The following THSD7B variants were observed in gnomAD, a reference collection of about 807,000 sequenced individuals.
THSD7B encodes the protein thrombospondin type 1 domain containing 7B.
In THSD7B, 138 loss-of-function variants were observed where a neutral mutation model predicts 213.6. The ratio of observed to expected loss-of-function variants is 0.65; its 90% CI spans 0.56 to 0.74. The LOEUF (loss-of-function observed/expected upper bound fraction) is 0.74, where lower values mean the gene tolerates loss of function less well. Among genes scored for constraint, THSD7B ranks in the 30% least tolerant of loss-of-function variants. The pLI, the probability that THSD7B is intolerant of heterozygous loss-of-function variation, is 0.00. For synonymous variants in THSD7B, 742 were observed against 687.0 expected, an observed-to-expected ratio of 1.08 and a Z score of -1.25; for missense variants, 1,931 against 1,991.5, an observed-to-expected ratio of 0.97 and a Z score of 0.58.
chr2:137,362,726 A>T (rs897897284), intron 12 of THSD7B, among the ~76,000 whole-genome samples: 1 of 152,218 alleles, frequency 6.6e-6, no homozygotes, highest in Non-Finnish European at 1.5e-5. Context: ...GAGCACCCAG[A>T]TTCATAAAGC....
chr2:137,281,067 G>C (rs982899409), intron 12 of THSD7B, among the ~76,000 whole-genome samples: 26 of 152,046 alleles, frequency 1.7e-4, no homozygotes, highest in Non-Finnish European at 3.1e-4. Context: ...GAAATCACTT[G>C]TCTACGATAT....
chr2:137,634,548 G>A (rs997243572), intron 20 of THSD7B, among the ~76,000 whole-genome samples: 1 of 151,796 alleles, frequency 6.6e-6, no homozygotes, highest in Admixed American at 6.6e-5. Flanking sequence ...TATATACTTT[G>A]CCTGGGCCAT....
At chr2:136,807,655 C>T (rs947183552) in intron 1 of THSD7B, among the ~76,000 whole-genome samples, 8 of 151,848 alleles carry the variant, frequency 5.3e-5, no homozygotes, top group South Asian at 2.1e-4. Context: ...TACAGGCGCC[C>T]GCCACCAGGC....
intron 12 of THSD7B, among the ~76,000 whole-genome samples, chr2:137,402,542 C>T (rs1250958538): frequency 4.0e-5 from 6 of 151,818 alleles, no homozygotes; most frequent in Admixed American, 2.6e-4. Context: ...ACATCAAGCA[C>T]AGAGTGGCTC....
chr2:137,611,095 T>G (rs1226648712), intron 17 of THSD7B, among the ~76,000 whole-genome samples: 3 of 151,100 alleles, frequency 2.0e-5, no homozygotes, highest in African/African-American at 7.3e-5. Flanking sequence ...ATGAAAACAG[T>G]TTTGCAATAA....
At chr2:137,160,082 G>T in intron 5 of THSD7B, 131 bp from the exon 6 acceptor site, 1 of 1,060,184 alleles carries the variant, frequency 9.4e-7, no homozygotes. Context: ...AGAAAGTGTT[G>T]ATGTTTTCTT....
At chr2:137,378,917 T>C (rs1685718041) in intron 12 of THSD7B, among the ~76,000 whole-genome samples, 2 of 152,236 alleles carry the variant, frequency 1.3e-5, no homozygotes, top group South Asian at 4.1e-4. Context: ...TTAGCTATTC[T>C]TTATATCTAA....
intron 1 of THSD7B, among the ~76,000 whole-genome samples, chr2:136,772,509 A>G (rs2104899332): frequency 6.6e-6 from 1 of 152,298 alleles, no homozygotes; most frequent in South Asian, 2.1e-4. Flanking sequence ...ATATTTAGGA[A>G]ATCCACACCA....
chr2:137,215,141 G>A (rs911467738), intron 7 of THSD7B, among the ~76,000 whole-genome samples: 3 of 152,186 alleles, frequency 2.0e-5, no homozygotes, highest in African/African-American at 7.2e-5. Flanking sequence ...AGCATGAGAT[G>A]TTATCTCATT....
rs1558768326 is a variant in THSD7B, at chr2:137,356,969, C to CACACACACACACACACACAG, written c.2501-48625_2501-48624insGACACACACACACACACACA. On this transcript the variant is annotated intron_variant, in intron 12 of 27. Coordinates refer to ENST00000409968, the MANE Select transcript of THSD7B (RefSeq NM_001316349.2). ...ACATACACACACACACACACACAGA[C>CACACACACACACACACACAG]ACACACACACACACACACACACACA... Among the ~76,000 whole-genome samples the CACACACACACACACACACAG allele has an allele frequency of 5.4e-4, 5 of 9,210 alleles. No homozygotes were observed. The East Asian group carries it at 0.023, about 43-fold the overall frequency. The allele number at this position is 9,210 out of a possible 152,430, so 6.0% of individuals were successfully genotyped here. A position where few individuals can be genotyped will look rare whatever the true frequency, so the allele number is the denominator to read the frequency against.
At chr2:137,199,864 G>A (rs1218225450) in intron 7 of THSD7B, among the ~76,000 whole-genome samples, 3 of 152,106 alleles carry the variant, frequency 2.0e-5, no homozygotes, top group African/African-American at 7.2e-5. Context: ...AAAAGCTGAA[G>A]ATAGTGTAAA....
intron 16 of THSD7B, among the ~76,000 whole-genome samples, chr2:137,567,046 G>A (rs80050706): frequency 0.018 from 2,791 of 152,200 alleles, 85 homozygotes; most frequent in African/African-American, 0.062. Flanking sequence ...TATGACTAGT[G>A]TCAGTACCCA....
intron 12 of THSD7B, among the ~76,000 whole-genome samples, chr2:137,294,546 G>T (rs114101473): frequency 0.032 from 4,181 of 129,578 alleles, 67 homozygotes; most frequent in East Asian, 0.061. Flanking sequence ...TTATGCCACT[G>T]TACTCCAGCC....
chr2:137,024,663 C>G (rs1284898313), intron 2 of THSD7B, among the ~76,000 whole-genome samples: 1 of 151,896 alleles, frequency 6.6e-6, no homozygotes, highest in Non-Finnish European at 1.5e-5. Flanking sequence ...TAATACATAG[C>G]CCATGCCAGG....
At chr2:136,990,986 G>T in intron 2 of THSD7B, 2 of 1,285,128 alleles carry the variant, frequency 1.6e-6, no homozygotes, top group Non-Finnish European at 1.0e-6. Flanking sequence ...CTATCACATC[G>T]TCTCTGCTGG....
chr2:137,450,875 G>A lies in THSD7B; in HGVS notation c.2990G>A (p.Cys997Tyr). 1 of 1,609,270 alleles carries A rather than the reference G, an allele frequency of 6.2e-7. No homozygotes were observed. Among genetic ancestry groups the A allele is most frequent in the Non-Finnish European group, 8.5e-7 (1 of 1,177,904 alleles). The change falls in exon 15 of 28, where the codon TGC becomes TAC. Residue 997 changes from cysteine (C) to tyrosine (Y), a missense_variant. By Grantham distance (194) the Cys-to-Tyr change is radical. Transcript: ENST00000409968. ...GYIQEKCVIPCPFDCKLSDWS... is the reference protein window; with the variant it reads ...GYIQEKCVIPYPFDCKLSDWS... ...ATTCAAGAAAAATGTGTCATTCCCT[G>A]CCCATTTGATTGCAAGTTAAGCGAT...
chr2:136,868,120 G>GCACA (rs10671218), intron 1 of THSD7B, among the ~76,000 whole-genome samples: 20,931 of 149,170 alleles, frequency 0.14, 2,036 homozygotes, highest in Non-Finnish European at 0.22. Context: ...ACACGCGCGC[G>GCACA]CACACACACA....
chr2:137,078,644 T>C (rs35573654), intron 3 of THSD7B, among the ~76,000 whole-genome samples: 59,416 of 151,890 alleles, frequency 0.39, 13,788 homozygotes, highest in African/African-American at 0.65. Flanking sequence ...TTTCATGCTT[T>C]CTTTATGTAT....
At chr2:137,472,338 C>T (rs113243946) in intron 15 of THSD7B, among the ~76,000 whole-genome samples, 3,040 of 152,072 alleles carry the variant, frequency 0.02, 100 homozygotes, top group African/African-American at 0.069. Context: ...TTATTGAGGA[C>T]CTAAAAGAAC....
Sources: allele counts gnomAD v4.1 joint callset (sites outside exome capture counted in the v4.1 genomes callset), GRCh38; gene constraint gnomAD v4.1.1; transcripts MANE v1.5; gene names NCBI Gene and HGNC (gene_info 2026-07-23, HGNC 2026-07-21).